The following EHD1 variants were observed in gnomAD, a reference collection of about 807,000 sequenced individuals.
EHD1 encodes the protein EH domain-containing protein 1.
A neutral mutation model predicts 39.0 loss-of-function variants in EHD1; 19 were observed. That is an observed-to-expected ratio of 0.49 (90% CI 0.34 to 0.72). The LOEUF (loss-of-function observed/expected upper bound fraction) is 0.72. EHD1 is among the 30% of genes least tolerant of loss of function. EHD1 has a pLI of 0.01. For synonymous variants in EHD1, 323 were observed against 331.2 expected, an observed-to-expected ratio of 0.98 and a Z score of 0.27; for missense variants, 542 against 751.5, an observed-to-expected ratio of 0.72 and a Z score of 3.26.
intron 2 of EHD1, among the ~76,000 whole-genome samples, chr11:64,870,016 G>A (rs1035292283): frequency 3.9e-5 from 6 of 152,188 alleles, no homozygotes; most frequent in African/African-American, 1.4e-4. Context: ...ACCACCAGAG[G>A]GCAAACGAGA....
chr11:64,862,938 C>T (rs139510366), intron 2 of EHD1, among the ~76,000 whole-genome samples: 137 of 152,328 alleles, frequency 9.0e-4, no homozygotes, highest in East Asian at 5.4e-3. Context: ...CTGTCCCTCC[C>T]GGTCTAGGAA....
chr11:64,860,259 G>A lies in EHD1; in HGVS notation c.580C>T (p.Leu194=). The stretch of plus-strand genomic sequence containing the variant: ...TCCGAGAACTCATCGGAGATGTCCA[G>A]CTTGTGGGCGTCGAAGAGCAGGATG... ...RIILLFDAHK[L]DISDEFSEVI... is the part of the protein sequence containing the mutation. The change falls in exon 3 of 5, where the codon CTG becomes TTG. Residue 194 remains leucine (L), a synonymous_variant. Coordinates refer to ENST00000320631, the MANE Select transcript of EHD1 (RefSeq NM_006795.4). 6.2e-7 allele frequency: 1 copy of A among 1,614,050 alleles called. No homozygotes were observed. The highest frequency in any genetic ancestry group is 8.5e-7 in the Non-Finnish European group (1 of 1,180,040).
At chr11:64,879,404 A>G (rs754286072), upstream of EHD1, among the ~76,000 whole-genome samples, 23 of 152,158 alleles carry the variant, frequency 1.5e-4, no homozygotes, top group Non-Finnish European at 3.2e-4. Flanking sequence ...GGAGGGCATG[A>G]GGAGGAAGTT....
chr11:64,879,469 G>A, upstream of EHD1: 6 of 1,311,656 alleles, frequency 4.6e-6, no homozygotes, highest in Non-Finnish European at 6.3e-6. Flanking sequence ...TCCCTATGTG[G>A]GGAAGAGGGG....
chr11:64,878,865 C>T (rs1019725815), upstream of EHD1: 17 of 1,078,518 alleles, frequency 1.6e-5, no homozygotes, highest in South Asian at 7.1e-5. Context: ...TAGGGAGGCT[C>T]GCGAAAGTGC....
chr11:64,879,305 G>A, upstream of EHD1: 1 of 874,498 alleles, frequency 1.1e-6, no homozygotes, highest in Non-Finnish European at 1.5e-6. Context: ...ATGGGAGAGG[G>A]ACGCAAGCGA....
intron 2 of EHD1, among the ~76,000 whole-genome samples, chr11:64,866,093 A>G (rs758746835): frequency 1.3e-5 from 2 of 152,206 alleles, no homozygotes; most frequent in Non-Finnish European, 2.9e-5. Context: ...GATAGCAAAG[A>G]TGGAATCCAC....
At chr11:64,877,862 C>T in intron 1 of EHD1, 199 bp downstream of exon 1, 1 of 461,406 alleles carries the variant, frequency 2.2e-6, no homozygotes, top group Non-Finnish European at 3.6e-6. Flanking sequence ...CTGGGGGAGC[C>T]GACAACGCCC....
In EHD1 at chr11:64,854,431, G is replaced by A. The variant is rs370182623; in HGVS notation, c.1507C>T (p.Leu503=). 1.2e-6 allele frequency: 2 copies of A among 1,613,992 alleles called. No homozygotes were observed. The highest frequency in any genetic ancestry group is 1.3e-5 in the African/African-American group (1 of 74,942). ...DGLLDDEEFA[L]ANHLIKVKLE... ...TTGACCTTGATGAGGTGGTTGGCCA[G>A]CGCGAACTCCTCGTCGTCCAGCAGC... Residue 503 remains leucine (L), a synonymous_variant, in exon 5 of 5, where the codon CTG becomes TTG. Transcript: ENST00000320631.
chr11:64,854,384 G>A lies in EHD1; in HGVS notation c.1554C>T (p.Pro518=), dbSNP rs3897618. ...IKVKLEGHEL[P]ADLPPHLVPP... is the part of the protein sequence containing the mutation. ...GCACCAGGTGCGGGGGCAGGTCGGC[G>A]GGCAGCTCGTGGCCCTCCAGCTTGA... The change falls in exon 5 of 5, where the codon CCC becomes CCT. Residue 518 remains proline, a synonymous_variant. Transcript: ENST00000320631. 30 of 1,613,314 alleles carry A rather than the reference G, an allele frequency of 1.9e-5. No individual in the cohort carries two copies. Among genetic ancestry groups the A allele is most frequent in the African/African-American group, 1.6e-4 (12 of 74,910 alleles).
intron 2 of EHD1, among the ~76,000 whole-genome samples, chr11:64,869,263 G>A (rs908466151): frequency 6.6e-6 from 1 of 152,274 alleles, no homozygotes; most frequent in Non-Finnish European, 1.5e-5. Flanking sequence ...GGCAGAGCCT[G>A]CACGCCCCCA....
At chr11:64,856,461 G>C (rs1943654656) in intron 3 of EHD1, 1 of 152,322 alleles carries the variant, frequency 6.6e-6, no homozygotes. Context: ...TGCCTGTTCA[G>C]GGCGGCACCC....
intron 3 of EHD1, among the ~76,000 whole-genome samples, chr11:64,859,037 C>A (rs767870338): frequency 8.5e-5 from 13 of 152,236 alleles, no homozygotes; most frequent in Admixed American, 4.6e-4. Flanking sequence ...CCTGCCAGGC[C>A]CCCCCAGCCC....
At chr11:64,872,417 T>G (rs987340388) in intron 2 of EHD1, among the ~76,000 whole-genome samples, 1 of 152,118 alleles carries the variant, frequency 6.6e-6, no homozygotes, top group Non-Finnish European at 1.5e-5. Context: ...ACCGAGATCA[T>G]GCCACTGCAC....
chr11:64,866,032 AT>A (rs1943763513), intron 2 of EHD1, among the ~76,000 whole-genome samples: 1 of 152,230 alleles, frequency 6.6e-6, no homozygotes, highest in African/African-American at 2.4e-5. Flanking sequence ...AAGAGAAATC[AT>A]TCTGCCATAA....
rs71581704 is a variant in EHD1 at position 64,855,131 on chromosome 11, C to T, written c.1080+191G>A. The T allele has an allele frequency of 3.8e-3, 3,872 of 1,006,260 alleles. 86 individuals carry two copies. The African/African-American group carries it at 0.054, about 14-fold the overall frequency. The allele number at this position is 1,006,260 out of a possible 1,614,324, so 62.3% of individuals were successfully genotyped here. A position where few individuals can be genotyped will look rare whatever the true frequency, so the allele number is the denominator to read the frequency against. ...TCCCCCCACCACGCAGGGTGAGTCA[C>T]CACATTCCCCTCTGCAGTGTCACCG... On this transcript the variant is annotated intron_variant, in intron 4 of 4. Transcript: ENST00000320631.
At chr11:64,869,968 G>C (rs935780272) in intron 2 of EHD1, among the ~76,000 whole-genome samples, 1 of 152,194 alleles carries the variant, frequency 6.6e-6, no homozygotes, top group African/African-American at 2.4e-5. Flanking sequence ...CAACCACTAA[G>C]GATCAGGACA....
rs1324725434 is a variant in EHD1, at chr11:64,868,389, C to T, written c.502+6032G>A. On this transcript the variant is annotated intron_variant, in intron 2 of 4. Transcript: ENST00000320631. This position sits in a 1 kb window ranked among gnomAD's most constrained non-coding sequence, Gnocchi z 4.2. ...CAGCAGCACACGCCCACACGAACCACGTACTTGACTCAAAACTGCCCCGGG... is the reference window on the plus strand; with the variant it reads ...CAGCAGCACACGCCCACACGAACCATGTACTTGACTCAAAACTGCCCCGGG... 1.3e-5 allele frequency among the ~76,000 whole-genome samples: 2 copies of T among 152,216 alleles called. No homozygotes were observed. The highest frequency in any genetic ancestry group is 2.1e-4 in the South Asian group (1 of 4,824).
chr11:64,854,935 G>T, intron 4 of EHD1, 78 bp from the exon 5 acceptor site: 1 of 1,534,392 alleles, frequency 6.5e-7, no homozygotes, highest in Non-Finnish European at 8.8e-7. Context: ...TCCAGTCAGG[G>T]CTTCACAAGC....
Sources: allele counts gnomAD v4.1 joint callset (sites outside exome capture counted in the v4.1 genomes callset), GRCh38; gene constraint gnomAD v4.1.1; non-coding constraint Gnocchi (gnomAD v3.1); transcripts MANE v1.5; gene names NCBI Gene and HGNC (gene_info 2026-07-23, HGNC 2026-07-21).